GLIS1: variants seen among roughly 807,000 people sequenced by gnomAD.
The protein encoded by GLIS1 is GLIS family zinc finger 1.
Under a neutral mutation model 63.8 loss-of-function variants are expected in GLIS1, and 24 were observed. That is an observed-to-expected ratio of 0.38 (90% CI 0.27 to 0.53). The LOEUF is 0.53. GLIS1 is among the 20% of genes least tolerant of loss of function. The pLI, the probability that GLIS1 is intolerant of heterozygous loss-of-function variation, is 0.85. For synonymous variants in GLIS1, 450 were observed against 482.5 expected, an observed-to-expected ratio of 0.93 and a Z score of 0.88; for missense variants, 1,036 against 1,074.1, an observed-to-expected ratio of 0.96 and a Z score of 0.50.
At chr1:53,507,692 A>G (rs1171030182) in intron 10 of GLIS1, among the ~76,000 whole-genome samples, 1 of 152,192 alleles carries the variant, frequency 6.6e-6, no homozygotes, top group Admixed American at 6.5e-5. Context: ...GTGCACAGAA[A>G]GGCAGCTGAG....
chr1:53,567,449 T>C (rs2100455104), intron 4 of GLIS1, among the ~76,000 whole-genome samples: 1 of 152,372 alleles, frequency 6.6e-6, no homozygotes, highest in African/African-American at 2.4e-5. Context: ...ATTTGCAGCC[T>C]GACCATGTGG....
intron 4 of GLIS1, among the ~76,000 whole-genome samples, chr1:53,538,508 C>T (rs1378510611): frequency 6.6e-6 from 1 of 152,178 alleles, no homozygotes; most frequent in Non-Finnish European, 1.5e-5. Flanking sequence ...GGTTCACCTC[C>T]AGTGCCGAGG....
rs1645236738 is a variant in GLIS1 at position 53,594,793 on chromosome 1, G to A, written c.635C>T (p.Ser212Phe). ...PGRSLATPAP[S>F]CYLLGSEPSS... ...GGGTTCGCTGCCCAGAAGGTAGCAG[G>A]AAGGCGCAGGGGTGGCGAGGCTTCG... Residue 212 changes from serine (S) to phenylalanine (F), a missense_variant, in exon 4 of 11, where the codon TCC becomes TTC. Ser to Phe is a radical substitution (Grantham distance 155). Coordinates refer to ENST00000628545, the MANE Select transcript of GLIS1 (RefSeq NM_001367484.1). 1 of 1,606,816 alleles carries A rather than the reference G, an allele frequency of 6.2e-7. No individual in the cohort carries two copies. Among genetic ancestry groups the A allele is most frequent in the Non-Finnish European group, 8.5e-7 (1 of 1,176,946 alleles).
intron 2 of GLIS1, among the ~76,000 whole-genome samples, chr1:53,629,172 G>A (rs897878432): frequency 3.9e-5 from 6 of 152,050 alleles, no homozygotes; most frequent in African/African-American, 1.5e-4. Flanking sequence ...GATGTGCCAA[G>A]GATGCAACCC....
chr1:53,658,182 C>T (rs1423992880), intron 2 of GLIS1, among the ~76,000 whole-genome samples: 3 of 152,210 alleles, frequency 2.0e-5, no homozygotes, highest in Admixed American at 1.3e-4. Flanking sequence ...GCTCAGCCAA[C>T]TCCTATGCAT....
intron 2 of GLIS1, among the ~76,000 whole-genome samples, chr1:53,676,384 A>C (rs1646212780): frequency 6.6e-6 from 1 of 152,106 alleles, no homozygotes; most frequent in Non-Finnish European, 1.5e-5. Context: ...GTCTGGGCTA[A>C]GGGCTGGGCT....
intron 2 of GLIS1, among the ~76,000 whole-genome samples, chr1:53,641,764 G>A (rs1283820853): frequency 6.6e-6 from 1 of 152,164 alleles, no homozygotes; most frequent in Non-Finnish European, 1.5e-5. Context: ...CCTGACACCC[G>A]ACACCTCTCC....
chr1:53,666,308 A>G (rs570182505), intron 2 of GLIS1, among the ~76,000 whole-genome samples: 1 of 152,204 alleles, frequency 6.6e-6, no homozygotes, highest in Admixed American at 6.5e-5. Flanking sequence ...TAACCTGCAG[A>G]TAAGGAAAAC....
At chr1:53,553,886 G>C (rs1283810193) in intron 4 of GLIS1, among the ~76,000 whole-genome samples, 1 of 152,216 alleles carries the variant, frequency 6.6e-6, no homozygotes, top group Non-Finnish European at 1.5e-5. Flanking sequence ...AGGGGCTCTG[G>C]AGAGGTGGGG....
At chr1:53,631,748 G>C (rs1304472747) in intron 2 of GLIS1, among the ~76,000 whole-genome samples, 1 of 152,012 alleles carries the variant, frequency 6.6e-6, no homozygotes, top group Non-Finnish European at 1.5e-5. Flanking sequence ...AAGTGTAACG[G>C]GTAATGACCT....
intron 4 of GLIS1, among the ~76,000 whole-genome samples, chr1:53,556,477 G>A (rs563260029): frequency 1.7e-3 from 244 of 143,852 alleles, no homozygotes; most frequent in African/African-American, 5.3e-3. Flanking sequence ...AGGTGTGTGC[G>A]TGCAGGTGTA....
At position 53,540,039 on chromosome 1, in the gene GLIS1, G is replaced by T. The variant is rs1286670480; in HGVS notation, c.1321-10087C>A. ...CCTTGTCACTCTAGGCTTGGCTCAA[G>T]CCTGAGGCCTTCCCAGTTCTCTCAC... On this transcript the variant is annotated intron_variant, in intron 4 of 10. Coordinates refer to ENST00000628545, the MANE Select transcript of GLIS1 (RefSeq NM_001367484.1). 2.6e-5 allele frequency among the ~76,000 whole-genome samples: 4 copies of T among 152,290 alleles called. No homozygotes were observed. In the South Asian group the frequency reaches 8.3e-4, roughly 32 times the overall value.
chr1:53,736,174 T>C lies in GLIS1; in HGVS notation c.259+1632A>G, dbSNP rs374885250. 2.0e-5 allele frequency among the ~76,000 whole-genome samples: 3 copies of C among 152,352 alleles called. 1 individual carries two copies. The highest frequency in any genetic ancestry group is 7.2e-5 in the African/African-American group (3 of 41,564). ...GCTTAAGGTACAAAGAAAGAGGCTC[T>C]TCCTCCCATCCCTTTATTCTCCTCT... On this transcript the variant is annotated intron_variant, in intron 2 of 10. Coordinates refer to ENST00000628545, the MANE Select transcript of GLIS1 (RefSeq NM_001367484.1).
intron 2 of GLIS1, among the ~76,000 whole-genome samples, chr1:53,610,791 G>C (rs185178862): frequency 7.9e-5 from 12 of 152,174 alleles, no homozygotes; most frequent in Non-Finnish European, 1.6e-4. Context: ...CTGTCTTTCT[G>C]GGGCAACAAT....
At chr1:53,580,027 G>C (rs926727529) in intron 4 of GLIS1, among the ~76,000 whole-genome samples, 1 of 152,200 alleles carries the variant, frequency 6.6e-6, no homozygotes, top group Non-Finnish European at 1.5e-5. Context: ...TGCAGCCACC[G>C]TCCTGATGAA....
intron 8 of GLIS1, among the ~76,000 whole-genome samples, chr1:53,510,425 C>G (rs957658520): frequency 3.9e-5 from 6 of 152,170 alleles, no homozygotes; most frequent in Admixed American, 1.3e-4. Flanking sequence ...CTGCTGGGTG[C>G]CCGGCTCTCT....
At chr1:53,651,772 G>T (rs537811858) in intron 2 of GLIS1, among the ~76,000 whole-genome samples, 1 of 152,056 alleles carries the variant, frequency 6.6e-6, no homozygotes, top group Non-Finnish European at 1.5e-5. Context: ...TACTCAGGGG[G>T]CTGAGGTGGA....
chr1:53,730,703 G>C lies in GLIS1; in HGVS notation c.259+7103C>G, dbSNP rs923744821. ...AGGCAAAAACACCTCGGACCAGAACGGCTCCTGCAAGTCCATCTTCAGAAT... is the reference window on the plus strand; with the variant it reads ...AGGCAAAAACACCTCGGACCAGAACCGCTCCTGCAAGTCCATCTTCAGAAT... On this transcript the variant is annotated intron_variant, in intron 2 of 10. Transcript: ENST00000628545. Among the ~76,000 whole-genome samples, 3 of 152,206 alleles carry C rather than the reference G, an allele frequency of 2.0e-5. No homozygotes were observed. The East Asian group carries it at 5.8e-4, about 29-fold the overall frequency.
intron 2 of GLIS1, among the ~76,000 whole-genome samples, chr1:53,722,949 A>G (rs1646770994): frequency 6.6e-6 from 1 of 151,974 alleles, no homozygotes; most frequent in South Asian, 2.1e-4. Context: ...CCTGGCCAAC[A>G]TGGTGAAACC....
Sources: gnomAD v4.1 joint callset for allele counts (sites outside exome capture counted in the v4.1 genomes callset) on GRCh38, gnomAD v4.1.1 for gene constraint, MANE v1.5 for transcripts, NCBI Gene and HGNC (gene_info 2026-07-23, HGNC 2026-07-21) for gene names.